PSAT1: variants seen among roughly 807,000 people sequenced by gnomAD.
PSAT1 encodes phosphoserine aminotransferase.
In PSAT1, 41 loss-of-function variants were observed where a neutral mutation model predicts 40.3. The ratio of observed to expected loss-of-function variants is 1.02; its 90% CI spans 0.79 to 1.32. The LOEUF (loss-of-function observed/expected upper bound fraction) is 1.32. Ranked by LOEUF, PSAT1 falls within the 40% of genes most tolerant of loss-of-function variation. The probability of loss-of-function intolerance (pLI) is 0.00; values close to 1 mark genes in which losing one functional copy is unlikely to be tolerated. For synonymous variants in PSAT1, 147 were observed against 170.5 expected (o/e 0.86, Z 1.07); for missense variants, 406 against 455.8 (o/e 0.89, Z 0.99).
At chr9:78,300,432 A>C (rs1023813372) in intron 1 of PSAT1, among the ~76,000 whole-genome samples, 170 bp from the exon 2 acceptor site, 8 of 152,168 alleles carry the variant, frequency 5.3e-5, no homozygotes, top group African/African-American at 1.9e-4. Flanking sequence ...AAGTTGCATA[A>C]TCGCTGGCTT....
chr9:78,318,698 G>A (rs139079725), intron 7 of PSAT1, among the ~76,000 whole-genome samples: 16 of 152,150 alleles, frequency 1.1e-4, no homozygotes, highest in African/African-American at 3.9e-4. Flanking sequence ...TGGATTTAGG[G>A]CCTGTCCAGA....
At chr9:78,303,882 A>C (rs1034242217) in intron 3 of PSAT1, among the ~76,000 whole-genome samples, 2 of 152,166 alleles carry the variant, frequency 1.3e-5, no homozygotes, top group Admixed American at 1.3e-4. Context: ...GCTTGGGTCC[A>C]GTTTCCATGG....
chr9:78,311,551 C>T (rs755583593), intron 6 of PSAT1, among the ~76,000 whole-genome samples: 72 of 151,948 alleles, frequency 4.7e-4, no homozygotes, highest in Non-Finnish European at 5.3e-4. Flanking sequence ...GGAATGAACA[C>T]GGCCGGGTGC....
At chr9:78,315,721 A>C (rs532739398) in intron 6 of PSAT1, among the ~76,000 whole-genome samples, 9 of 152,294 alleles carry the variant, frequency 5.9e-5, no homozygotes, top group Non-Finnish European at 4.4e-5. Flanking sequence ...TTTTGCCAAC[A>C]TGAGCTGGCA....
At chr9:78,299,080 T>C (rs1481619336) in intron 1 of PSAT1, among the ~76,000 whole-genome samples, 1 of 143,674 alleles carries the variant, frequency 7.0e-6, no homozygotes, top group African/African-American at 2.6e-5. Flanking sequence ...TTTGAGGCTG[T>C]AGTGAACTGT....
chr9:78,305,587 A>C (rs915396593), intron 4 of PSAT1, among the ~76,000 whole-genome samples: 1 of 152,214 alleles, frequency 6.6e-6, no homozygotes, highest in African/African-American at 2.4e-5. Context: ...CTTTCTTGAA[A>C]GGTGGCTGCA....
At chr9:78,300,453 G>A (rs1421614093) in intron 1 of PSAT1, 149 bp from the exon 2 acceptor site, 3 of 979,056 alleles carry the variant, frequency 3.1e-6, no homozygotes, top group Non-Finnish European at 4.2e-6. Context: ...TGTGGACATG[G>A]GAAGGAAGGA....
chr9:78,299,912 T>TA (rs35610246), intron 1 of PSAT1, among the ~76,000 whole-genome samples: 390 of 151,430 alleles, frequency 2.6e-3, no homozygotes, highest in Non-Finnish European at 4.6e-3. Flanking sequence ...GCAAGCATCT[T>TA]AAAAAAAAAG....
intron 7 of PSAT1, among the ~76,000 whole-genome samples, chr9:78,318,946 TC>T (rs774946863): frequency 3.1e-4 from 47 of 152,268 alleles, no homozygotes; most frequent in Admixed American, 1.0e-3. Context: ...CTTTTCCCTT[TC>T]CCTTAAGGTG....
chr9:78,325,820 T>A (rs1828489732), intron 7 of PSAT1, among the ~76,000 whole-genome samples: 1 of 152,262 alleles, frequency 6.6e-6, no homozygotes, highest in South Asian at 2.1e-4. Context: ...TTTCTCACTT[T>A]TATGACATTA....
intron 3 of PSAT1, among the ~76,000 whole-genome samples, chr9:78,302,547 T>A (rs1043087389): frequency 6.6e-6 from 1 of 151,858 alleles, no homozygotes; most frequent in South Asian, 2.1e-4. Flanking sequence ...GCTACCACGG[T>A]GAAACCCCAT....
intron 6 of PSAT1, among the ~76,000 whole-genome samples, chr9:78,312,886 C>G (rs1057172019): frequency 6.6e-6 from 1 of 152,068 alleles, no homozygotes; most frequent in South Asian, 2.1e-4. Context: ...GAAAAGTGCT[C>G]AACTCAGTGG....
rs373299143 is a variant in PSAT1, at chr9:78,302,078, G to A, written c.191+55G>A. Reference sequence around the variant, plus strand: ...CTTTTGTTAGATACTTCCTAAATCTGGATGTCTTCCAGTATTTTCTACACT... The same window carrying A: ...CTTTTGTTAGATACTTCCTAAATCTAGATGTCTTCCAGTATTTTCTACACT... On this transcript the variant is annotated intron_variant, in intron 3 of 8. Coordinates refer to ENST00000376588, the MANE Select transcript of PSAT1 (RefSeq NM_058179.4). The A allele has an allele frequency of 1.8e-5, 22 of 1,223,694 alleles. No individual in the cohort carries two copies. The African/African-American group carries it at 3.1e-4, about 17-fold the overall frequency. 75.8% of individuals were successfully genotyped at this position (1,223,694 alleles called of 1,614,324 possible).
rs1828111679 is a variant in PSAT1, at chr9:78,301,850, A to G, written c.122-104A>G. ...CCACAATTTGAATGCAGAATAACTGAAATTTCCCTGTATTGTTGTTTACTT... is the reference window on the plus strand; with the variant it reads ...CCACAATTTGAATGCAGAATAACTGGAATTTCCCTGTATTGTTGTTTACTT... On this transcript the variant is annotated intron_variant, in intron 2 of 8. Transcript: ENST00000376588. The G allele has an allele frequency of 4.5e-6, 4 of 882,148 alleles. No homozygotes were observed. The East Asian group carries it at 1.0e-4, about 22-fold the overall frequency. 54.6% of individuals were successfully genotyped at this position (882,148 alleles called of 1,614,324 possible).
chr9:78,299,647 G>C (rs1219624517), intron 1 of PSAT1, among the ~76,000 whole-genome samples: 1 of 150,560 alleles, frequency 6.6e-6, no homozygotes, highest in East Asian at 1.9e-4. Context: ...TGAGTAACTG[G>C]GATTACAGGC....
chr9:78,317,972 T>C (rs1023325115), intron 7 of PSAT1, among the ~76,000 whole-genome samples, 168 bp downstream of exon 7: 2 of 152,122 alleles, frequency 1.3e-5, no homozygotes, highest in Non-Finnish European at 2.9e-5. Context: ...TGGTGAGTTC[T>C]TCCCTCCTGT....
At chr9:78,314,304 CTGTGT>C (rs1828308828) in intron 6 of PSAT1, among the ~76,000 whole-genome samples, 1 of 126,126 alleles carries the variant, frequency 7.9e-6, no homozygotes. Flanking sequence ...ACCTCCTATC[CTGTGT>C]TAAGTAGAGT....
intron 6 of PSAT1, among the ~76,000 whole-genome samples, chr9:78,312,050 C>CTT (rs1210994021): frequency 7.8e-5 from 10 of 128,764 alleles, no homozygotes; most frequent in African/African-American, 2.8e-4. Flanking sequence ...GAAAAGACGC[C>CTT]TTTTTTTTTT....
intron 6 of PSAT1, among the ~76,000 whole-genome samples, chr9:78,316,029 C>T (rs575405858): frequency 6.6e-6 from 1 of 152,312 alleles, no homozygotes; most frequent in East Asian, 1.9e-4. Flanking sequence ...GGTGTCTTCC[C>T]TGGGCGACCT....
Sources: gnomAD v4.1 joint callset for allele counts (sites outside exome capture counted in the v4.1 genomes callset) on GRCh38, gnomAD v4.1.1 for gene constraint, MANE v1.5 for transcripts, NCBI Gene and HGNC (gene_info 2026-07-23, HGNC 2026-07-21) for gene names.